Variants in RC3H2 observed in about 807,000 individuals in gnomAD.
The protein encoded by RC3H2 is ring finger and CCCH-type domains 2, also known as roquin-2.
In RC3H2, 31 loss-of-function variants were observed where a neutral mutation model predicts 133.3. The observed-to-expected ratio is 0.23, with a 90% CI of 0.17 to 0.31. The LOEUF is 0.31. Ranked by LOEUF, RC3H2 falls within the 10% of genes least tolerant of loss-of-function variation. The pLI is 1.00. For synonymous variants in RC3H2, 517 were observed against 502.2 expected (o/e 1.03, Z -0.40); for missense variants, 1,175 against 1,437.2 (o/e 0.82, Z 2.95).
intron 4 of RC3H2, among the ~76,000 whole-genome samples, chr9:122,883,858 G>T (rs1831764938): frequency 6.6e-6 from 1 of 152,084 alleles, no homozygotes; most frequent in Admixed American, 6.5e-5. Context: ...GCCAGGCATG[G>T]TGGCACGTGC....
intron 16 of RC3H2, 74 bp from the exon 17 acceptor site, chr9:122,854,340 T>G (rs755412756): frequency 9.7e-6 from 13 of 1,343,332 alleles, no homozygotes; most frequent in African/African-American, 1.5e-5. Flanking sequence ...AACCATATGT[T>G]TTATGTGACA....
chr9:122,892,430 T>G (rs1456202420), intron 3 of RC3H2, among the ~76,000 whole-genome samples: 1 of 151,906 alleles, frequency 6.6e-6, no homozygotes, highest in Non-Finnish European at 1.5e-5. Flanking sequence ...CTTTTTTTTT[T>G]GAGACAGTCT....
At chr9:122,855,067 C>T in intron 15 of RC3H2, 117 bp downstream of exon 15, 3 of 801,118 alleles carry the variant, frequency 3.7e-6, no homozygotes, top group Non-Finnish European at 5.8e-6. Flanking sequence ...GAGCCAAGAT[C>T]ACACCACTGC....
chr9:122,868,891 ATGTGT>A, intron 9 of RC3H2, among the ~76,000 whole-genome samples: 1 of 11,896 alleles, frequency 8.4e-5, no homozygotes, highest in Middle Eastern at 0.029. Context: ...GTGTGTGTGT[ATGTGT>A]TTTTTTTTTT....
chr9:122,899,180 G>A (rs1311088523), intron 1 of RC3H2, among the ~76,000 whole-genome samples: 1 of 122,810 alleles, frequency 8.1e-6, no homozygotes, highest in Non-Finnish European at 1.6e-5. Flanking sequence ...TTGGCTCACT[G>A]CAACCTCTGC....
At chr9:122,861,867 G>A (rs189528007) in intron 10 of RC3H2, among the ~76,000 whole-genome samples, 1 of 152,220 alleles carries the variant, frequency 6.6e-6, no homozygotes, top group Non-Finnish European at 1.5e-5. Flanking sequence ...AATAAAAGTA[G>A]GTACAAACGT....
chr9:122,890,682 A>T, intron 3 of RC3H2, 137 bp from the exon 4 acceptor site: 1 of 653,022 alleles, frequency 1.5e-6, no homozygotes, highest in South Asian at 2.1e-5. Flanking sequence ...TTCTAACAGT[A>T]TTCTGTCTCT....
In RC3H2 at chr9:122,858,955, C is replaced by T. The variant is rs200902178; in HGVS notation, c.1997G>A (p.Arg666Gln). Reference protein sequence around the residue: ...DHYSTFSPRDRMNSSPYQPPP... With the variant: ...DHYSTFSPRDQMNSSPYQPPP... ...AGGCTGGTAAGGAGAAGAATTCATT[C>T]GATCTCGAGGGGAAAATGTACTGTA... Residue 666 changes from arginine to glutamine, a missense_variant, in exon 12 of 21, where the codon CGA becomes CAA. Arg to Gln is a conservative substitution (Grantham distance 43, BLOSUM62 1). Transcript: ENST00000357244. The T allele has an allele frequency of 6.2e-6, 10 of 1,613,982 alleles. No individual in the cohort carries two copies. The highest frequency in any genetic ancestry group is 2.2e-5 in the East Asian group (1 of 44,888).
At chr9:122,859,764 A>G (rs1830386954) in intron 11 of RC3H2, among the ~76,000 whole-genome samples, 153 bp downstream of exon 11, 1 of 152,236 alleles carries the variant, frequency 6.6e-6, no homozygotes, top group Admixed American at 6.5e-5. Context: ...AGCTGTATTT[A>G]GAAGCACAGA....
chr9:122,900,772 T>C (rs1038192768), intron 1 of RC3H2, among the ~76,000 whole-genome samples: 1 of 152,214 alleles, frequency 6.6e-6, no homozygotes, highest in Non-Finnish European at 1.5e-5. Context: ...CAACTCAAGA[T>C]ACCTAAAGTG....
In RC3H2 at chr9:122,898,686, T is replaced by C. The variant is rs567344649; in HGVS notation, c.-67-1110A>G. Among the ~76,000 whole-genome samples, 4 of 151,010 alleles carry C rather than the reference T, an allele frequency of 2.6e-5. No homozygotes were observed. The South Asian group carries it at 8.4e-4, about 32-fold the overall frequency. ...ATCACTTGAATGTGGAAGGCGGAGATTGCAGTGAGCCGAGATCACGTCATC... is the reference window on the plus strand; with the variant it reads ...ATCACTTGAATGTGGAAGGCGGAGACTGCAGTGAGCCGAGATCACGTCATC... On this transcript the variant is annotated intron_variant, in intron 1 of 20. Coordinates refer to ENST00000357244, the MANE Select transcript of RC3H2 (RefSeq NM_001100588.3).
intron 9 of RC3H2, among the ~76,000 whole-genome samples, chr9:122,869,889 G>A (rs1830988413): frequency 6.6e-6 from 1 of 152,018 alleles, no homozygotes; most frequent in Non-Finnish European, 1.5e-5. Context: ...TTATAGATAA[G>A]AGGAAAACCA....
rs188859230 is a variant in RC3H2, at chr9:122,890,117, G to C, written c.583+195C>G. 310 of 616,616 alleles carry C rather than the reference G, an allele frequency of 5.0e-4. No homozygotes were observed. The African/African-American group carries it at 5.4e-3, about 11-fold the overall frequency. The allele number at this position is 616,616 out of a possible 1,614,324, so 38.2% of individuals were successfully genotyped here. A position where few individuals can be genotyped will look rare whatever the true frequency, so the allele number is the denominator to read the frequency against. ...GACTGCGCCACTGCACTCCAGCCTG[G>C]GTGACAGAGTGAGACCCTGTCTCAA... On this transcript the variant is annotated intron_variant, in intron 4 of 20. Transcript: ENST00000357244.
chr9:122,878,761 A>G (rs1478342903), intron 8 of RC3H2, among the ~76,000 whole-genome samples: 6 of 151,368 alleles, frequency 4.0e-5, no homozygotes, highest in African/African-American at 1.5e-4. Context: ...TTTATTTTAT[A>G]TTTTTGGAGA....
Position 122,859,987 on chromosome 9 carries a change from A to G in RC3H2, c.1779T>C (p.Ser593=). 1 of 1,614,178 alleles carries G rather than the reference A, an allele frequency of 6.2e-7. No individual in the cohort carries two copies. Among genetic ancestry groups the G allele is most frequent in the Non-Finnish European group, 8.5e-7 (1 of 1,180,022 alleles). The change falls in exon 11 of 21, where the codon TCT becomes TCC. Residue 593 remains serine (S), a synonymous_variant. Transcript: ENST00000357244. The part of the protein sequence containing the change: ...LTRVPVYPPH[S]ENIQYFQDPR... ...GATCTTGAAAATACTGAATGTTTTC[A>G]GAATGCGGAGGATATACTGGTACTC...
At chr9:122,889,434 T>G (rs939590907) in intron 4 of RC3H2, among the ~76,000 whole-genome samples, 1 of 152,218 alleles carries the variant, frequency 6.6e-6, no homozygotes, top group Admixed American at 6.5e-5. Flanking sequence ...CGCATTTTGA[T>G]CTAGTTGTCC....
chr9:122,845,775 C>T lies in RC3H2; in HGVS notation c.*3852G>A, dbSNP rs1829855806. 6.6e-6 allele frequency: 1 copy of T among 152,134 alleles called. No individual in the cohort carries two copies. Among genetic ancestry groups the T allele is most frequent in the Non-Finnish European group, 1.5e-5 (1 of 68,022 alleles). 9.4% of individuals were successfully genotyped at this position (152,134 alleles called of 1,614,324 possible). On this transcript the variant is annotated 3_prime_UTR_variant, in exon 21 of 21. Coordinates refer to ENST00000357244, the MANE Select transcript of RC3H2 (RefSeq NM_001100588.3). Reference sequence around the variant, plus strand: ...AGCATGTTCTTTTGTGTTCTGCTTGCAGAAGGGGTCCTTATGTAGAAGGAG... The same window carrying T: ...AGCATGTTCTTTTGTGTTCTGCTTGTAGAAGGGGTCCTTATGTAGAAGGAG...
chr9:122,885,260 AT>A (rs949463034), intron 4 of RC3H2, among the ~76,000 whole-genome samples: 16 of 152,354 alleles, frequency 1.1e-4, no homozygotes, highest in South Asian at 4.1e-4. Flanking sequence ...GAGGGAAAGA[AT>A]AACAAATATG....
intron 4 of RC3H2, among the ~76,000 whole-genome samples, chr9:122,884,173 G>C (rs1421089657): frequency 1.3e-5 from 2 of 151,992 alleles, no homozygotes; most frequent in Non-Finnish European, 2.9e-5. Context: ...GGCACCTGTA[G>C]TCCCAGTTAC....
Sources: allele counts gnomAD v4.1 joint callset (sites outside exome capture counted in the v4.1 genomes callset), GRCh38; gene constraint gnomAD v4.1.1; transcripts MANE v1.5; gene names NCBI Gene and HGNC (gene_info 2026-07-23, HGNC 2026-07-21).